ZGRF1: variants seen among roughly 807,000 people sequenced by gnomAD.
ZGRF1 encodes zinc finger GRF-type containing 1.
In ZGRF1, 196 loss-of-function variants were observed where a neutral mutation model predicts 203.5. That is an observed-to-expected ratio of 0.96 (90% CI 0.86 to 1.08). ZGRF1 has a LOEUF of 1.08. ZGRF1 is among the 50% of genes least tolerant of loss of function. The pLI, the probability that ZGRF1 is intolerant of heterozygous loss-of-function variation, is 0.00. For synonymous variants in ZGRF1, 809 were observed against 841.3 expected (o/e 0.96, Z 0.66); for missense variants, 2,326 against 2,416.3 (o/e 0.96, Z 0.78).
intron 20 of ZGRF1, among the ~76,000 whole-genome samples, chr4:112,557,565 G>A (rs1304567087): frequency 2.6e-5 from 4 of 152,144 alleles, no homozygotes; most frequent in East Asian, 3.8e-4. Flanking sequence ...CAGTATAATC[G>A]TCAACATATC....
chr4:112,595,845 G>A (rs903071671), intron 10 of ZGRF1, among the ~76,000 whole-genome samples: 3 of 152,118 alleles, frequency 2.0e-5, no homozygotes, highest in Admixed American at 1.3e-4. Flanking sequence ...ATGTCTAAAT[G>A]ACTACTCTTC....
chr4:112,628,824 TATCTACAAGATTTTAAAG>T (rs1444573058), intron 3 of ZGRF1: 2 of 436,378 alleles, frequency 4.6e-6, no homozygotes, highest in Non-Finnish European at 9.0e-6. Flanking sequence ...GGCTTTTAAA[TATCTACAAGATTTTAAAG>T]ACACTGGATC....
At chr4:112,553,185 C>G (rs1740276855) in intron 22 of ZGRF1, among the ~76,000 whole-genome samples, 1 of 152,228 alleles carries the variant, frequency 6.6e-6, no homozygotes, top group Non-Finnish European at 1.5e-5. Flanking sequence ...TTCTTTTACT[C>G]CATCCCCATT....
rs1747051704 is a variant in ZGRF1 at position 112,585,677 on chromosome 4, G to A, written c.3965C>T (p.Ala1322Val). Residue 1322 changes from alanine (A) to valine (V), a missense_variant, in exon 14 of 28, where the codon GCT becomes GTT. By Grantham distance (64) the Ala-to-Val change is moderately conservative (BLOSUM62 0). Coordinates refer to ENST00000505019, the MANE Select transcript of ZGRF1 (RefSeq NM_018392.5). ...AAATGATATGTCAACTTTTGAAAGA[G>A]CTTTCTGCAGGTTTTGTGCTAACCC... The part of the protein sequence containing the change: ...LFGLAQNLQK[A>V]LSKVDISFYT... The A allele has an allele frequency of 6.2e-7, 1 of 1,603,892 alleles. No homozygotes were observed. The highest frequency in any genetic ancestry group is 1.7e-5 in the Admixed American group (1 of 58,968).
chr4:112,615,579 T>A (rs995179682), intron 6 of ZGRF1, among the ~76,000 whole-genome samples: 27 of 151,904 alleles, frequency 1.8e-4, no homozygotes, highest in African/African-American at 6.0e-4. Flanking sequence ...TGTATTCTTA[T>A]ATGGTATCAC....
intron 16 of ZGRF1, among the ~76,000 whole-genome samples, chr4:112,563,835 A>T (rs1017229767): frequency 6.6e-6 from 1 of 152,226 alleles, no homozygotes; most frequent in Non-Finnish European, 1.5e-5. Context: ...TAACCAGTGA[A>T]GGCTCATTCT....
intron 16 of ZGRF1, among the ~76,000 whole-genome samples, chr4:112,575,220 A>G (rs544236429): frequency 6.6e-6 from 1 of 152,312 alleles, no homozygotes; most frequent in Non-Finnish European, 1.5e-5. Flanking sequence ...ACTTACTTAT[A>G]TGATTCCAAG....
At chr4:112,540,505 C>T (rs1283640406) in intron 26 of ZGRF1, among the ~76,000 whole-genome samples, 3 of 152,262 alleles carry the variant, frequency 2.0e-5, no homozygotes, top group South Asian at 2.1e-4. Context: ...AATAAAAGAA[C>T]ATTTTGGATA....
At chr4:112,550,289 A>G (rs1462383483) in intron 22 of ZGRF1, among the ~76,000 whole-genome samples, 1 of 152,006 alleles carries the variant, frequency 6.6e-6, no homozygotes, top group African/African-American at 2.4e-5. Context: ...AGCTTAGAAT[A>G]ATGTGTTTGT....
intron 20 of ZGRF1, among the ~76,000 whole-genome samples, chr4:112,555,911 C>T (rs572340362): frequency 1.2e-4 from 18 of 152,200 alleles, no homozygotes; most frequent in Middle Eastern, 3.4e-3. Flanking sequence ...AGTACTTACC[C>T]TCCCTCCTCA....
At chr4:112,595,294 A>G (rs1022634952) in intron 10 of ZGRF1, among the ~76,000 whole-genome samples, 1 of 152,214 alleles carries the variant, frequency 6.6e-6, no homozygotes, top group Non-Finnish European at 1.5e-5. Context: ...TGCATTGCTA[A>G]TATCAAACAC....
At position 112,584,026 on chromosome 4, in the gene ZGRF1, A is replaced by T; in HGVS notation, c.4250T>A (p.Leu1417Ter). The change falls in exon 15 of 28, where the codon TTA becomes TAA. Residue 1417 changes from leucine (L) to a stop codon, truncating the protein, a stop_gained. Transcript: ENST00000505019. LOFTEE classifies it high-confidence loss of function. The part of the protein sequence containing the change: ...LSDIKSIGLY[L>*]RSQKIPLYEE... ...ATAAAGTGGTATCTTTTGACTTCTT[A>T]AATATAAGCCAATACTCTTAATATC... 1 of 1,612,048 alleles carries T rather than the reference A, an allele frequency of 6.2e-7. No individual in the cohort carries two copies. Among genetic ancestry groups the T allele is most frequent in the Non-Finnish European group, 8.5e-7 (1 of 1,179,286 alleles).
intron 16 of ZGRF1, among the ~76,000 whole-genome samples, 162 bp from the exon 17 acceptor site, chr4:112,563,436 T>C (rs1313185841): frequency 3.3e-5 from 5 of 152,188 alleles, no homozygotes; most frequent in Non-Finnish European, 7.3e-5. Flanking sequence ...TCATCAACTA[T>C]CAACCTAAAG....
In ZGRF1 at chr4:112,619,192, G is replaced by A. The variant is rs781241300; in HGVS notation, c.850C>T (p.Gln284Ter). The A allele has an allele frequency of 2.6e-5, 42 of 1,613,156 alleles. No homozygotes were observed. In the Admixed American group the frequency reaches 3.8e-4, roughly 15 times the overall value. The change falls in exon 6 of 28, where the codon CAA (glutamine) becomes TAA (stop). Residue 284 changes from glutamine (Q) to a stop codon, truncating the protein, a stop_gained. Coordinates refer to ENST00000505019, the MANE Select transcript of ZGRF1 (RefSeq NM_018392.5). LOFTEE classifies it high-confidence loss of function. ...TTAGTAGCAATTTTTAAACTTCCTT[G>A]TGGTTGTTTTTGAGGAAAATGCTCT... ...MTEHFPQKQP[Q>*]GSLKIATKPK...
At chr4:112,551,234 C>T (rs1739894865) in intron 22 of ZGRF1, among the ~76,000 whole-genome samples, 1 of 152,158 alleles carries the variant, frequency 6.6e-6, no homozygotes, top group African/African-American at 2.4e-5. Flanking sequence ...GAGCAATAGG[C>T]TATACTATGT....
intron 22 of ZGRF1, among the ~76,000 whole-genome samples, chr4:112,551,769 T>G (rs573027346): frequency 2.0e-5 from 3 of 152,094 alleles, no homozygotes; most frequent in Non-Finnish European, 4.4e-5. Context: ...TCTAAAGTTA[T>G]GTGTCAAGAA....
At chr4:112,608,511 T>A (rs1418160648) in intron 8 of ZGRF1, among the ~76,000 whole-genome samples, 1 of 152,044 alleles carries the variant, frequency 6.6e-6, no homozygotes, top group East Asian at 1.9e-4. Flanking sequence ...CCCCAGCTAC[T>A]CAGGAGGCTG....
At chr4:112,607,124 T>C (rs981687631) in intron 8 of ZGRF1, among the ~76,000 whole-genome samples, 3 of 152,040 alleles carry the variant, frequency 2.0e-5, no homozygotes, top group Non-Finnish European at 4.4e-5. Context: ...AGAATTAGAA[T>C]TTTTTCTTTT....
chr4:112,546,491 T>C lies in ZGRF1; in HGVS notation c.5598+794A>G, dbSNP rs190821398. ...TGTTAGATGAATGCAATGGTTTGAA[T>C]GTGTCCCTCAAATTTCATGTGTTGG... On this transcript the variant is annotated intron_variant, in intron 24 of 27. Coordinates refer to ENST00000505019, the MANE Select transcript of ZGRF1 (RefSeq NM_018392.5). Among the ~76,000 whole-genome samples, 6 of 152,364 alleles carry C rather than the reference T, an allele frequency of 3.9e-5. No homozygotes were observed. In the East Asian group the frequency reaches 1.2e-3, roughly 29 times the overall value.
Sources: gnomAD v4.1 joint callset for allele counts (sites outside exome capture counted in the v4.1 genomes callset) on GRCh38, gnomAD v4.1.1 for gene constraint, MANE v1.5 for transcripts, NCBI Gene and HGNC (gene_info 2026-07-23, HGNC 2026-07-21) for gene names.